CDH13: variants seen among roughly 807,000 people sequenced by gnomAD.
CDH13 encodes cadherin-13.
In CDH13, 24 loss-of-function variants were observed where a neutral mutation model predicts 63.8. The ratio of observed to expected loss-of-function variants is 0.38; its 90% CI spans 0.27 to 0.53. The LOEUF (loss-of-function observed/expected upper bound fraction) is 0.53, where lower values mean the gene tolerates loss of function less well. Among genes scored for constraint, CDH13 ranks in the 20% least tolerant of loss-of-function variants. The pLI is 0.85. For missense variants in CDH13, 1,049 were observed against 903.1 expected, an observed-to-expected ratio of 1.16 and a Z score of -2.07; for synonymous variants, 503 against 355.3, an observed-to-expected ratio of 1.42 and a Z score of -4.67.
intron 4 of CDH13, among the ~76,000 whole-genome samples, chr16:83,132,444 C>CT (rs2036095327): frequency 3.0e-5 from 2 of 66,152 alleles, no homozygotes; most frequent in Non-Finnish European, 5.6e-5. Context: ...CACCCCCCAA[C>CT]ACCCCCCCCT....
chr16:82,916,405 C>T (rs949506587), intron 2 of CDH13, among the ~76,000 whole-genome samples: 4 of 152,052 alleles, frequency 2.6e-5, no homozygotes, highest in African/African-American at 9.7e-5. Context: ...GAAACCCCGT[C>T]TCTACTAAAA....
At chr16:82,677,406 A>G (rs1192627737) in intron 1 of CDH13, among the ~76,000 whole-genome samples, 1 of 148,078 alleles carries the variant, frequency 6.8e-6, no homozygotes, top group Non-Finnish European at 1.5e-5. Flanking sequence ...TATTTTCCCT[A>G]CTGAGATTCA....
intron 1 of CDH13, among the ~76,000 whole-genome samples, chr16:82,655,328 G>C (rs1288575936): frequency 6.6e-6 from 1 of 152,246 alleles, no homozygotes; most frequent in Non-Finnish European, 1.5e-5. Context: ...TGCTCCTTGT[G>C]ATAGGGGTTG....
intron 1 of CDH13, among the ~76,000 whole-genome samples, chr16:82,748,129 A>G (rs2034258598): frequency 6.6e-6 from 1 of 152,310 alleles, no homozygotes; most frequent in East Asian, 1.9e-4. Context: ...GCACTATAAT[A>G]AATGACTCCC....
chr16:82,910,086 CCA>C (rs982433388), intron 2 of CDH13, among the ~76,000 whole-genome samples: 6 of 152,160 alleles, frequency 3.9e-5, no homozygotes, highest in African/African-American at 1.4e-4. Context: ...GTTCAATTCT[CCA>C]CCCCTCTTTA....
intron 1 of CDH13, among the ~76,000 whole-genome samples, chr16:82,780,304 G>A (rs955000108): frequency 5.3e-5 from 8 of 152,176 alleles, no homozygotes; most frequent in Middle Eastern, 3.2e-3. Context: ...ATGCAAGGAG[G>A]TGGAAGAGTT....
chr16:83,592,911 A>T (rs1427828034), intron 7 of CDH13, among the ~76,000 whole-genome samples: 1 of 152,228 alleles, frequency 6.6e-6, no homozygotes, highest in Non-Finnish European at 1.5e-5. Flanking sequence ...GCCTGGGAAG[A>T]TGGAAGAACA....
chr16:82,798,217 G>C (rs778210104), intron 1 of CDH13, among the ~76,000 whole-genome samples: 12 of 152,114 alleles, frequency 7.9e-5, no homozygotes, highest in Non-Finnish European at 1.5e-4. Flanking sequence ...GCTTGCAGTG[G>C]ATATCATCCT....
chr16:82,803,363 A>G (rs1266333414), intron 1 of CDH13, among the ~76,000 whole-genome samples: 2 of 152,212 alleles, frequency 1.3e-5, no homozygotes, highest in Non-Finnish European at 2.9e-5. Flanking sequence ...AGAATTCAGG[A>G]AGGGGCAGAG....
chr16:82,738,001 T>C (rs1486338778), intron 1 of CDH13, among the ~76,000 whole-genome samples: 2 of 152,164 alleles, frequency 1.3e-5, no homozygotes, highest in Non-Finnish European at 2.9e-5. Context: ...TCTACCCTCT[T>C]AATAAAATGT....
chr16:83,143,477 C>A (rs914948496), intron 4 of CDH13, among the ~76,000 whole-genome samples: 4 of 152,106 alleles, frequency 2.6e-5, no homozygotes, highest in Non-Finnish European at 5.9e-5. Context: ...AAAATAGTTT[C>A]TTGTAGATAA....
chr16:83,046,237 C>G (rs969231292), intron 3 of CDH13, among the ~76,000 whole-genome samples: 1 of 152,262 alleles, frequency 6.6e-6, no homozygotes, highest in South Asian at 2.1e-4. Context: ...CACTGGGGCC[C>G]ATAGCAGTGG....
chr16:83,256,674 C>CAAAAAAAAAAAAAAAAAAA, intron 5 of CDH13, among the ~76,000 whole-genome samples: 1 of 115,656 alleles, frequency 8.6e-6, no homozygotes, highest in Non-Finnish European at 1.7e-5. Context: ...TACTAAAATA[C>CAAAAAAAAAAAAAAAAAAA]AAAAAAAAAA....
chr16:83,431,099 A>G (rs951469332), intron 6 of CDH13, among the ~76,000 whole-genome samples: 3 of 151,776 alleles, frequency 2.0e-5, no homozygotes, highest in African/African-American at 4.8e-5. Flanking sequence ...TAGTTTACTG[A>G]GAATGATGAT....
At chr16:83,074,938 T>C (rs2032714892) in intron 3 of CDH13, among the ~76,000 whole-genome samples, 1 of 152,234 alleles carries the variant, frequency 6.6e-6, no homozygotes, top group African/African-American at 2.4e-5. Context: ...GGCTCACTTC[T>C]GAGGACACGT....
chr16:83,607,113 A>G lies in CDH13; in HGVS notation c.1101+4519A>G, dbSNP rs149942580. Among the ~76,000 whole-genome samples the G allele has an allele frequency of 3.3e-3, 508 of 152,206 alleles. 1 individual carries two copies. Among genetic ancestry groups the G allele is most frequent in the African/African-American group, 0.012 (479 of 41,540 alleles). On this transcript the variant is annotated intron_variant, in intron 8 of 13. Transcript: ENST00000567109. The stretch of plus-strand genomic sequence containing the variant: ...ACTTTAAAGGTTACTTTTAAAAGTA[A>G]ATTCTTATTGCAAAGTAAGCTCATC...
At chr16:83,651,828 C>T (rs1044443406) in intron 8 of CDH13, among the ~76,000 whole-genome samples, 10 of 152,116 alleles carry the variant, frequency 6.6e-5, no homozygotes, top group East Asian at 3.9e-4. Context: ...CTCCTGACCT[C>T]AGGTGATCTG....
chr16:83,757,695 T>G (rs571920104), intron 11 of CDH13, among the ~76,000 whole-genome samples: 12 of 152,006 alleles, frequency 7.9e-5, no homozygotes, highest in Non-Finnish European at 1.5e-4. Flanking sequence ...AAACACAAAT[T>G]ACCAACACTG....
At chr16:82,999,829 C>T (rs768503381) in intron 2 of CDH13, among the ~76,000 whole-genome samples, 9 of 152,122 alleles carry the variant, frequency 5.9e-5, no homozygotes, top group Non-Finnish European at 1.2e-4. Flanking sequence ...GCTGCCTCTG[C>T]GGTCCTTCTA....
Sources: gnomAD v4.1 joint callset for allele counts (sites outside exome capture counted in the v4.1 genomes callset) on GRCh38, gnomAD v4.1.1 for gene constraint, MANE v1.5 for transcripts, NCBI Gene and HGNC (gene_info 2026-07-23, HGNC 2026-07-21) for gene names.